The following IFT140 variants were observed in gnomAD, a reference collection of about 807,000 sequenced individuals.
IFT140 encodes the protein intraflagellar transport 140, also known as intraflagellar transport protein 140 homolog.
A neutral mutation model predicts 164.6 loss-of-function variants in IFT140; 133 were observed. The ratio of observed to expected loss-of-function variants is 0.81; its 90% CI spans 0.70 to 0.93. The LOEUF is 0.93. Among genes scored for constraint, IFT140 ranks in the 40% least tolerant of loss-of-function variants. The pLI is 0.00. For missense variants in IFT140, 2,045 were observed against 1,972.3 expected (o/e 1.04, Z -0.70); for synonymous variants, 860 against 817.3 (o/e 1.05, Z -0.89).
At chr16:1,590,189 A>C (rs2035102720) in intron 6 of IFT140, among the ~76,000 whole-genome samples, 2 of 142,432 alleles carry the variant, frequency 1.4e-5, no homozygotes, top group African/African-American at 5.4e-5. Context: ...CGACAGAGCA[A>C]GACTCTGTCT....
intron 24 of IFT140, 82 bp from the exon 25 acceptor site, chr16:1,524,038 C>G (rs1033050923): frequency 1.1e-5 from 17 of 1,524,888 alleles, no homozygotes; most frequent in South Asian, 2.5e-5. Context: ...TGGCCGGGTG[C>G]GAACCCGCCC....
chr16:1,525,404 T>A (rs1424482053), intron 21 of IFT140, 78 bp from the exon 22 acceptor site: 2 of 1,081,650 alleles, frequency 1.8e-6, no homozygotes, highest in Non-Finnish European at 2.8e-6. Context: ...AGGGGCAGCG[T>A]CGGTGAAACG....
chr16:1,611,651 C>G (rs1003994629), intron 1 of IFT140, among the ~76,000 whole-genome samples: 3 of 151,814 alleles, frequency 2.0e-5, no homozygotes, highest in Non-Finnish European at 2.9e-5. Flanking sequence ...CCCGTATGTA[C>G]TAAAAACACA....
Position 1,523,512 on chromosome 16 carries a change from C to G in IFT140, c.3453+6G>C. 6.2e-7 allele frequency: 1 copy of G among 1,608,418 alleles called. No homozygotes were observed. The highest frequency in any genetic ancestry group is 8.5e-7 in the Non-Finnish European group (1 of 1,179,386). ...GAGCCGAGCCCAGGCCCCGCTGGCCCCGTACCTTCCTGGCAGCCAGCAGCA... is the reference window on the plus strand; with the variant it reads ...GAGCCGAGCCCAGGCCCCGCTGGCCGCGTACCTTCCTGGCAGCCAGCAGCA... On this transcript the variant is annotated splice_donor_region_variant and intron_variant, in intron 26 of 30. Coordinates refer to ENST00000426508, the MANE Select transcript of IFT140 (RefSeq NM_014714.4).
At chr16:1,552,631 T>C (rs1275006442) in intron 19 of IFT140, among the ~76,000 whole-genome samples, 6 of 150,664 alleles carry the variant, frequency 4.0e-5, no homozygotes, top group Non-Finnish European at 2.9e-5. Flanking sequence ...TTGTTAGTAT[T>C]CATTACAAAG....
chr16:1,557,943 G>A lies in IFT140; in HGVS notation c.2391C>T (p.Leu797=), dbSNP rs1261619242. Residue 797 remains leucine, a synonymous_variant, in exon 19 of 31, where the codon CTC becomes CTT. Transcript: ENST00000426508. ...DMDEAFKSIK[L]IKSEAVWENM... is the part of the protein sequence containing the mutation. ...GTGGTCGGGATCCTCACCTTTTGAT[G>A]AGCTTGATGGATTTGAAGGCTTCGT... is the stretch of plus-strand genomic sequence containing the variant. 1.2e-6 allele frequency: 2 copies of A among 1,613,506 alleles called. No individual in the cohort carries two copies. Among genetic ancestry groups the A allele is most frequent in the African/African-American group, 1.3e-5 (1 of 75,012 alleles).
Position 1,592,534 on chromosome 16 carries a change from G to A in IFT140, c.424C>T (p.Pro142Ser). The A allele has an allele frequency of 6.2e-7, 1 of 1,614,246 alleles. No individual in the cohort carries two copies. Among genetic ancestry groups the A allele is most frequent in the East Asian group, 2.2e-5 (1 of 44,888 alleles). The part of the protein sequence containing the change: ...LDQRGRVQGT[P>S]LLKHEYGKHL... ...TTCCCATACTCGTGTTTCAGCAGAG[G>A]CGTCCCTTGCACTCGGCCCCTTTGG... The change falls in exon 5 of 31, where the codon CCT becomes TCT. Residue 142 changes from proline (P) to serine (S), a missense_variant. Transcript: ENST00000426508.
chr16:1,543,094 C>T (rs561589198), intron 19 of IFT140, among the ~76,000 whole-genome samples: 15 of 152,368 alleles, frequency 9.8e-5, no homozygotes, highest in Middle Eastern at 3.4e-3. Flanking sequence ...CTGCTGCTCA[C>T]TGGGACAGGT....
intron 24 of IFT140, chr16:1,524,326 T>C: frequency 3.1e-6 from 2 of 644,278 alleles, no homozygotes; most frequent in South Asian, 4.0e-5. Flanking sequence ...CCCTGGAGCC[T>C]GGGAAACATC....
At chr16:1,524,115 G>C (rs1186233068) in intron 24 of IFT140, 159 bp from the exon 25 acceptor site, 8 of 939,042 alleles carry the variant, frequency 8.5e-6, no homozygotes, top group Non-Finnish European at 1.2e-5. Flanking sequence ...TGACTTACTG[G>C]GTTTGTCTAC....
intron 19 of IFT140, among the ~76,000 whole-genome samples, chr16:1,543,291 T>C (rs529093225): frequency 6.6e-6 from 1 of 152,366 alleles, no homozygotes; most frequent in African/African-American, 2.4e-5. Flanking sequence ...ATTCTAGGAA[T>C]AATGATCCTG....
At chr16:1,532,124 G>A (rs982721081) in intron 19 of IFT140, 25 of 152,418 alleles carry the variant, frequency 1.6e-4, no homozygotes, top group African/African-American at 6.0e-4. Context: ...GGCACAGGCA[G>A]GAAGGGCTGG....
intron 19 of IFT140, among the ~76,000 whole-genome samples, chr16:1,550,640 C>T (rs1385980957): frequency 6.6e-6 from 1 of 152,192 alleles, no homozygotes; most frequent in African/African-American, 2.4e-5. Flanking sequence ...GGGCTCAGTT[C>T]TGCCTACCCG....
chr16:1,562,157 A>G, intron 17 of IFT140, 41 bp from the exon 18 acceptor site: 1 of 1,512,886 alleles, frequency 6.6e-7, no homozygotes. Flanking sequence ...TTTTTTTTTA[A>G]CTTACATAAA....
rs572465165 is a variant in IFT140, at chr16:1,580,469, T to G, written c.1524+290A>C. 8.4e-4 allele frequency: 243 copies of G among 288,854 alleles called. 1 individual carries two copies. Among genetic ancestry groups the G allele is most frequent in the Non-Finnish European group, 1.3e-3 (196 of 151,546 alleles). The allele number at this position is 288,854 out of a possible 1,614,324, so 17.9% of individuals were successfully genotyped here. On this transcript the variant is annotated intron_variant, in intron 13 of 30. Coordinates refer to ENST00000426508, the MANE Select transcript of IFT140 (RefSeq NM_014714.4). ...TAGAGTGTGGCCCCTCCCGCTTCGC[T>G]CTCTCTTCCTCCTGCTCCGGCTATG...
At chr16:1,534,287 G>A in intron 19 of IFT140, 1 of 1,612,196 alleles carries the variant, frequency 6.2e-7, no homozygotes, top group Non-Finnish European at 8.5e-7. Flanking sequence ...TGACCGTGCA[G>A]AGACTCGTGG....
chr16:1,524,233 G>T (rs2040606388), intron 24 of IFT140: 1 of 607,572 alleles, frequency 1.6e-6, no homozygotes, highest in Non-Finnish European at 2.9e-6. Flanking sequence ...TTTGTGTGGT[G>T]CAGAACGCCC....
intron 1 of IFT140, among the ~76,000 whole-genome samples, chr16:1,611,162 T>C (rs1268446414): frequency 6.6e-6 from 1 of 152,116 alleles, no homozygotes; most frequent in African/African-American, 2.4e-5. Flanking sequence ...GCCTGTTCCA[T>C]CGCCGGGCCC....
At chr16:1,568,533 C>T (rs2033848481) in intron 14 of IFT140, among the ~76,000 whole-genome samples, 199 bp from the exon 15 acceptor site, 1 of 152,230 alleles carries the variant, frequency 6.6e-6, no homozygotes, top group Non-Finnish European at 1.5e-5. Flanking sequence ...CTCTTACGAA[C>T]AAGGACGAAT....
Sources: allele counts gnomAD v4.1 joint callset (sites outside exome capture counted in the v4.1 genomes callset), GRCh38; gene constraint gnomAD v4.1.1; transcripts MANE v1.5; gene names NCBI Gene and HGNC (gene_info 2026-07-23, HGNC 2026-07-21).